Variants in CMPK2 observed in about 807,000 individuals in gnomAD.
The protein encoded by CMPK2 is UMP-CMP kinase 2, mitochondrial.
A neutral mutation model predicts 33.4 loss-of-function variants in CMPK2; 32 were observed. The ratio of observed to expected loss-of-function variants is 0.96; its 90% CI spans 0.72 to 1.29. CMPK2 has a LOEUF of 1.29. Among genes scored for constraint, CMPK2 ranks in the 50% most tolerant of loss-of-function variants. The pLI, the probability that CMPK2 is intolerant of heterozygous loss-of-function variation, is 0.00. For missense variants in CMPK2, 672 were observed against 616.0 expected (o/e 1.09, Z -0.96); for synonymous variants, 299 against 275.3 (o/e 1.09, Z -0.85).
chr2:6,844,080 A>T (rs900002104), downstream of CMPK2, among the ~76,000 whole-genome samples: 1 of 152,142 alleles, frequency 6.6e-6, no homozygotes, highest in African/African-American at 2.4e-5. Context: ...GACAGGGTTG[A>T]GGTGGCTTCT....
chr2:6,861,207 G>A lies in CMPK2; in HGVS notation c.969C>T (p.Ala323=). ...ACCTGTCTACAATCACAGGAGATTT[G>A]GCAGATTCTTTAGCTATTTCGGAGG... ...IVASEIAKES[A]KSPVIVDRYW... is the part of the protein sequence containing the mutation. The change falls in exon 3 of 5, where the codon GCC becomes GCT. Residue 323 remains alanine, a synonymous_variant. Coordinates refer to ENST00000256722, the MANE Select transcript of CMPK2 (RefSeq NM_207315.4). 4 of 1,613,608 alleles carry A rather than the reference G, an allele frequency of 2.5e-6. No homozygotes were observed. Among genetic ancestry groups the A allele is most frequent in the Non-Finnish European group, 3.4e-6 (4 of 1,179,902 alleles).
chr2:6,859,110 T>C (rs1037815936), intron 3 of CMPK2, among the ~76,000 whole-genome samples: 2 of 152,224 alleles, frequency 1.3e-5, no homozygotes, highest in Non-Finnish European at 2.9e-5. Flanking sequence ...GCCCTTGCCC[T>C]AGAGATTTGT....
At chr2:6,841,617 G>T (rs527999318) in intron 3 of CMPK2, among the ~76,000 whole-genome samples, 2 of 152,078 alleles carry the variant, frequency 1.3e-5, no homozygotes, top group Admixed American at 1.3e-4. Flanking sequence ...GTGTATCCTC[G>T]AGAGGTGGCC....
At chr2:6,863,368 G>A (rs560529577) in intron 2 of CMPK2, 96 bp downstream of exon 2, 86 of 1,001,506 alleles carry the variant, frequency 8.6e-5, no homozygotes, top group Non-Finnish European at 1.3e-4. Context: ...CACACATAAG[G>A]CTCCATATAA....
chr2:6,861,268 C>T lies in CMPK2; in HGVS notation c.908G>A (p.Arg303Lys). 2.5e-6 allele frequency: 4 copies of T among 1,614,040 alleles called. No homozygotes were observed. Among genetic ancestry groups the T allele is most frequent in the Non-Finnish European group, 3.4e-6 (4 of 1,179,934 alleles). Reference protein sequence around the residue: ...KIFDDEPTIIRRAFYSLGNYI... With the variant: ...KIFDDEPTIIKRAFYSLGNYI... ...ATTGCCCAAAGAGTAAAAAGCTCTT[C>T]TAATGATAGTTGGTTCATCATCAAA... The change falls in exon 3 of 5, where the codon AGA (arginine) becomes AAA (lysine). Residue 303 changes from arginine to lysine, a missense_variant. Physicochemically the swap from Arg to Lys is conservative, Grantham distance 26. Coordinates refer to ENST00000256722, the MANE Select transcript of CMPK2 (RefSeq NM_207315.4).
intron 3 of CMPK2, among the ~76,000 whole-genome samples, chr2:6,860,662 C>CGAATCTCGG (rs1183678477): frequency 6.6e-6 from 1 of 152,116 alleles, no homozygotes; most frequent in Non-Finnish European, 1.5e-5. Flanking sequence ...TGTAAATTGC[C>CGAATCTCGG]GAATCTCGGG....
At position 6,865,547 on chromosome 2, in the gene CMPK2, G is replaced by A; in HGVS notation, c.150C>T (p.Asp50=). The A allele has an allele frequency of 7.6e-7, 1 of 1,309,800 alleles. No individual in the cohort carries two copies. Among genetic ancestry groups the A allele is most frequent in the Non-Finnish European group, 9.7e-7 (1 of 1,034,100 alleles). 81.1% of individuals were successfully genotyped at this position (1,309,800 alleles called of 1,614,324 possible). The change falls in exon 1 of 5, where the codon GAC becomes GAT. Residue 50 remains aspartate (D), a synonymous_variant. Coordinates refer to ENST00000256722, the MANE Select transcript of CMPK2 (RefSeq NM_207315.4). ...CGGGGGCGTCTGCGTCGCCGGGGGC[G>A]TCGGCGCCTAGGGCGAAGTGAGCCA... is the stretch of plus-strand genomic sequence containing the variant. ...CTLAHFALGA[D]APGDADAPDP...
At position 6,851,496 on chromosome 2, in the gene CMPK2, T is replaced by A. The variant is rs1231060400; in HGVS notation, c.1180A>T (p.Thr394Ser). The change falls in exon 4 of 5, where the codon ACC becomes TCC. Residue 394 changes from threonine (T) to serine (S), a missense_variant. Physicochemically the swap from Thr to Ser is moderately conservative, Grantham distance 58 (BLOSUM62 1). Coordinates refer to ENST00000256722, the MANE Select transcript of CMPK2 (RefSeq NM_207315.4). ...GCCTCAAGTTCTGCTTCTTCCCTGG[T>A]CTTCTCCATGCCCCGGCCCTGCAGC... ...QRLQGRGMEK[T>S]REEAELEANS... 1 of 1,614,236 alleles carries A rather than the reference T, an allele frequency of 6.2e-7. No homozygotes were observed. Among genetic ancestry groups the A allele is most frequent in the South Asian group, 1.1e-5 (1 of 91,088 alleles).
chr2:6,857,789 C>A (rs1662758867), intron 3 of CMPK2, among the ~76,000 whole-genome samples: 1 of 151,962 alleles, frequency 6.6e-6, no homozygotes, highest in Admixed American at 6.5e-5. Flanking sequence ...GTGCCCACCA[C>A]CTCGCCCGGC....
At chr2:6,864,668 A>G (rs1479590043) in intron 1 of CMPK2, among the ~76,000 whole-genome samples, 1 of 152,154 alleles carries the variant, frequency 6.6e-6, no homozygotes, top group East Asian at 1.9e-4. Context: ...TTTTCACCCC[A>G]AGATCCTTGA....
At chr2:6,866,176 G>T (rs781426470), upstream of CMPK2, 56 of 186,622 alleles carry the variant, frequency 3.0e-4, no homozygotes, top group Non-Finnish European at 3.3e-4. Context: ...TCCCTTCCCG[G>T]TGTAACGGGC....
At chr2:6,857,583 G>A (rs1251325561) in intron 3 of CMPK2, among the ~76,000 whole-genome samples, 2 of 150,572 alleles carry the variant, frequency 1.3e-5, no homozygotes, top group African/African-American at 4.9e-5. Flanking sequence ...CTTCCAAAGT[G>A]CTTGGATTAC....
chr2:6,865,617 A>G lies in CMPK2; in HGVS notation c.80T>C (p.Met27Thr), dbSNP rs973918407. The G allele has an allele frequency of 1.0e-5, 14 of 1,394,138 alleles. No homozygotes were observed. In the African/African-American group the frequency reaches 2.0e-4, roughly 20 times the overall value. 86.4% of individuals were successfully genotyped at this position (1,394,138 alleles called of 1,614,324 possible). Reference sequence around the variant, plus strand: ...CAGGACGAAGCGGCGCGGCGGAGCCATGGCCCCAGCGCAGACCCCGCGCCG... The same window carrying G: ...CAGGACGAAGCGGCGCGGCGGAGCCGTGGCCCCAGCGCAGACCCCGCGCCG... ...LGRRGVCAGA[M>T]APPRRFVLEL... The change falls in exon 1 of 5, where the codon ATG (methionine) becomes ACG (threonine). Residue 27 changes from methionine to threonine, a missense_variant. Met to Thr is a moderately conservative substitution (Grantham distance 81). Coordinates refer to ENST00000256722, the MANE Select transcript of CMPK2 (RefSeq NM_207315.4).
Position 6,849,364 on chromosome 2 carries a change from C to A in CMPK2, c.*486G>T. On this transcript the variant is annotated 3_prime_UTR_variant, in exon 5 of 5. Coordinates refer to ENST00000256722, the MANE Select transcript of CMPK2 (RefSeq NM_207315.4). ...GAACACTTGGCTCTAGAATTTGGGA[C>A]TGAGGGAGATGCAGCGAGCCCATCA... 2.0e-6 allele frequency: 2 copies of A among 986,334 alleles called. No homozygotes were observed. The highest frequency in any genetic ancestry group is 2.4e-6 in the Non-Finnish European group (2 of 830,634). The allele number at this position is 986,334 out of a possible 1,614,324, so 61.1% of individuals were successfully genotyped here.
chr2:6,855,234 C>T (rs879581254), intron 3 of CMPK2, among the ~76,000 whole-genome samples: 1 of 151,726 alleles, frequency 6.6e-6, no homozygotes, highest in Non-Finnish European at 1.5e-5. Context: ...GCAGACACCC[C>T]CCTTGCTGTT....
At position 6,856,045 on chromosome 2, in the gene CMPK2, A is replaced by G. The variant is rs139288866; in HGVS notation, c.993-4362T>C. Among the ~76,000 whole-genome samples the G allele has an allele frequency of 3.8e-3, 576 of 152,272 alleles. 3 individuals carry two copies. Among genetic ancestry groups the G allele is most frequent in the African/African-American group, 0.014 (563 of 41,556 alleles). ...GCTGTTAGTCACAGGGAATTGGCAA[A>G]TACTGCTGTGGGGAGGGGAGGAGAC... On this transcript the variant is annotated intron_variant, in intron 3 of 4. Coordinates refer to ENST00000256722, the MANE Select transcript of CMPK2 (RefSeq NM_207315.4).
At chr2:6,862,233 A>G (rs936609971) in intron 2 of CMPK2, among the ~76,000 whole-genome samples, 1 of 152,248 alleles carries the variant, frequency 6.6e-6, no homozygotes, top group African/African-American at 2.4e-5. Context: ...AGTGTCTGCT[A>G]GGAGCCAAGT....
intron 1 of CMPK2, 28 bp downstream of exon 1, chr2:6,864,994 G>A: frequency 7.1e-7 from 1 of 1,400,194 alleles, no homozygotes; most frequent in East Asian, 3.0e-5. Context: ...ATGCCACGCT[G>A]GGAGCTGGAA....
chr2:6,844,058 C>A (rs1558319204), downstream of CMPK2, among the ~76,000 whole-genome samples: 1 of 152,178 alleles, frequency 6.6e-6, no homozygotes, highest in African/African-American at 2.4e-5. Flanking sequence ...CAGTTGTCTC[C>A]ACCACAGGGT....
Sources: allele counts gnomAD v4.1 joint callset (sites outside exome capture counted in the v4.1 genomes callset), GRCh38; gene constraint gnomAD v4.1.1; transcripts MANE v1.5; gene names NCBI Gene and HGNC (gene_info 2026-07-23, HGNC 2026-07-21).